Variants in PFKL observed in about 807,000 individuals in gnomAD.
PFKL encodes phosphofructokinase, liver type.
A neutral mutation model predicts 92.1 loss-of-function variants in PFKL; 74 were observed. The ratio of observed to expected loss-of-function variants is 0.80; its 90% CI spans 0.67 to 0.97. PFKL has a LOEUF of 0.97. Among genes scored for constraint, PFKL ranks in the 50% least tolerant of loss-of-function variants. The pLI, the probability that PFKL is intolerant of heterozygous loss-of-function variation, is 0.00. For missense variants in PFKL, 1,028 were observed against 1,116.6 expected (o/e 0.92, Z 1.13); for synonymous variants, 494 against 456.4 (o/e 1.08, Z -1.05).
chr21:44,324,720 C>A, intron 17 of PFKL, 65 bp downstream of exon 17: 1 of 1,559,608 alleles, frequency 6.4e-7, no homozygotes, highest in Admixed American at 1.8e-5. Flanking sequence ...CCCAGACACT[C>A]AGGCCGGCCA....
chr21:44,316,366 TGGGCACC>T, intron 8 of PFKL, 27 bp downstream of exon 8: 1 of 1,611,808 alleles, frequency 6.2e-7, no homozygotes, highest in Non-Finnish European at 8.5e-7. Flanking sequence ...GGGTGGCCAC[TGGGCACC>T]TGCTCCTCTA....
At chr21:44,307,641 G>A (rs1048710750) in intron 2 of PFKL, among the ~76,000 whole-genome samples, 2 of 152,192 alleles carry the variant, frequency 1.3e-5, no homozygotes, top group African/African-American at 4.8e-5. Flanking sequence ...ACAGCAGCCT[G>A]TCCAGCCCTC....
chr21:44,300,630 G>GGGGGCGGACTCACTCCC (rs2040745440), intron 1 of PFKL, among the ~76,000 whole-genome samples: 1 of 152,234 alleles, frequency 6.6e-6, no homozygotes, highest in Admixed American at 6.5e-5. Context: ...CCGGCTGGGC[G>GGGGGCGGACTCACTCCC]GGGGCGGACT....
chr21:44,304,495 G>A lies in PFKL; in HGVS notation c.86-2186G>A. ...GTGGTGGGACCAGGTCTGCAGGGAG[G>A]GCGAGGGAGGGACGGAGGCTTAGCT... On this transcript the variant is annotated intron_variant, in intron 1 of 21. Transcript: ENST00000349048. 2.6e-6 allele frequency: 3 copies of A among 1,157,122 alleles called. No individual in the cohort carries two copies. The South Asian group carries it at 5.0e-5, about 19-fold the overall frequency. The allele number at this position is 1,157,122 out of a possible 1,614,324, so 71.7% of individuals were successfully genotyped here.
rs375427651 is a variant in PFKL, at chr21:44,305,823, C to T, written c.86-858C>T. The stretch of plus-strand genomic sequence containing the variant: ...AGGAAACTGGCTTTGCCAAGGCCCC[C>T]GCTGGGACAGACTGTTTCTTTCACT... On this transcript the variant is annotated intron_variant, in intron 1 of 21. Transcript: ENST00000349048. 1,830 of 1,366,890 alleles carry T rather than the reference C, an allele frequency of 1.3e-3. 39 individuals are homozygous for T. In the South Asian group the frequency reaches 0.019, roughly 14 times the overall value. The allele number at this position is 1,366,890 out of a possible 1,614,324, so 84.7% of individuals were successfully genotyped here. A position where few individuals can be genotyped will look rare whatever the true frequency, so the allele number is the denominator to read the frequency against.
intron 16 of PFKL, 122 bp from the exon 17 acceptor site, chr21:44,324,369 T>A (rs572333750): frequency 7.2e-5 from 70 of 969,188 alleles, no homozygotes; most frequent in Non-Finnish European, 1.0e-4. Flanking sequence ...CTGCTGGCTG[T>A]CTGGGTGCGT....
At chr21:44,306,274 A>T (rs1005284610) in intron 1 of PFKL, among the ~76,000 whole-genome samples, 1 of 152,142 alleles carries the variant, frequency 6.6e-6, no homozygotes, top group Non-Finnish European at 1.5e-5. Context: ...CGGGACACCC[A>T]CACATGCCTG....
At chr21:44,306,620 G>GGGC (rs1469050643) in intron 1 of PFKL, 61 bp from the exon 2 acceptor site, 48 of 1,459,730 alleles carry the variant, frequency 3.3e-5, no homozygotes, top group Non-Finnish European at 4.4e-5. Context: ...CTGAGATGGG[G>GGGC]AGGGTGTCCA....
intron 9 of PFKL, among the ~76,000 whole-genome samples, chr21:44,317,765 TG>T (rs967051783): frequency 8.5e-5 from 13 of 152,196 alleles, no homozygotes; most frequent in East Asian, 1.9e-4. Flanking sequence ...TCATCCTGCA[TG>T]GGGGGTGTCT....
At chr21:44,325,040 C>T (rs994148512) in intron 18 of PFKL, 113 bp from the exon 19 acceptor site, 68 of 1,208,404 alleles carry the variant, frequency 5.6e-5, no homozygotes, top group Non-Finnish European at 7.0e-5. Flanking sequence ...TGGGCCAGGG[C>T]GGCTTTCCTG....
intron 14 of PFKL, among the ~76,000 whole-genome samples, 158 bp downstream of exon 14, chr21:44,322,361 T>TG (rs1015802794): frequency 3.3e-5 from 5 of 152,162 alleles, no homozygotes; most frequent in Non-Finnish European, 7.4e-5. Context: ...GCCTCCTGCC[T>TG]GGGGCTTCCT....
At chr21:44,305,023 C>T (rs563484556) in intron 1 of PFKL, among the ~76,000 whole-genome samples, 4 of 152,154 alleles carry the variant, frequency 2.6e-5, no homozygotes, top group African/African-American at 4.8e-5. Flanking sequence ...GGATGGCTGC[C>T]GGGCTTGGCT....
At chr21:44,303,984 A>G (rs901721726) in intron 1 of PFKL, among the ~76,000 whole-genome samples, 1 of 150,392 alleles carries the variant, frequency 6.6e-6, no homozygotes, top group African/African-American at 2.5e-5. Context: ...ACAGCTTCCA[A>G]TGAGGTTAAC....
In PFKL at chr21:44,326,871, A is replaced by G. The variant is rs747300332; in HGVS notation, c.*9A>G. The G allele has an allele frequency of 1.1e-5, 17 of 1,600,570 alleles. No individual in the cohort carries two copies. The highest frequency in any genetic ancestry group is 4.0e-5 in the African/African-American group (3 of 74,660). ...TGGACAAGGGCTTCTGAGGCCAGCC[A>G]TGCCCACGCCCCTCCCCAGCCCCCA... is the stretch of plus-strand genomic sequence containing the variant. On this transcript the variant is annotated 3_prime_UTR_variant, in exon 22 of 22. Transcript: ENST00000349048.
intron 14 of PFKL, 54 bp from the exon 15 acceptor site, chr21:44,322,908 T>G: frequency 7.5e-7 from 1 of 1,334,762 alleles, no homozygotes; most frequent in Non-Finnish European, 1.1e-6. Context: ...AGATGCAATC[T>G]GGACACGCGT....
rs1241326926 is a variant in PFKL, at chr21:44,327,031, G to A, written c.*169G>A. 56 of 632,624 alleles carry A rather than the reference G, an allele frequency of 8.9e-5. No individual in the cohort carries two copies. Among genetic ancestry groups the A allele is most frequent in the Non-Finnish European group, 1.2e-4 (44 of 363,036 alleles). 39.2% of individuals were successfully genotyped at this position (632,624 alleles called of 1,614,324 possible). Reference sequence around the variant, plus strand: ...CTGGCCACCTGCCAGGCCTCCCTCGGGCTGGTGTCTTGAGACCAGCCTGCC... The same window carrying A: ...CTGGCCACCTGCCAGGCCTCCCTCGAGCTGGTGTCTTGAGACCAGCCTGCC... On this transcript the variant is annotated 3_prime_UTR_variant, in exon 22 of 22. Coordinates refer to ENST00000349048, the MANE Select transcript of PFKL (RefSeq NM_002626.6).
In PFKL at chr21:44,327,143, G is replaced by A; in HGVS notation, c.*281G>A. ...GCGCTGTCGGTGTTTGGAGGCTGCT[G>A]CCCCCTGGCTTTGGCGCCCCATGGG... On this transcript the variant is annotated 3_prime_UTR_variant, in exon 22 of 22. Transcript: ENST00000349048. 1 of 490,824 alleles carries A rather than the reference G, an allele frequency of 2.0e-6. No individual in the cohort carries two copies. 30.4% of individuals were successfully genotyped at this position (490,824 alleles called of 1,614,324 possible). A position where few individuals can be genotyped will look rare whatever the true frequency, so the allele number is the denominator to read the frequency against.
rs1157797038 is a variant in PFKL, at chr21:44,323,754, C to T, written c.1498-12C>T. 1 of 1,608,900 alleles carries T rather than the reference C, an allele frequency of 6.2e-7. No individual in the cohort carries two copies. Among genetic ancestry groups the T allele is most frequent in the African/African-American group, 1.3e-5 (1 of 74,824 alleles). ...GTGCTGCCCTTGACCTGCCCCGTCC[C>T]TACTGCTGCAGGCCTATGAAGGGGT... On this transcript the variant is annotated splice_polypyrimidine_tract_variant and intron_variant, in intron 15 of 21. Transcript: ENST00000349048.
At chr21:44,325,451 G>GTGGGGC (rs2047479720) in intron 19 of PFKL, 187 bp downstream of exon 19, 5 of 595,374 alleles carry the variant, frequency 8.4e-6, no homozygotes, top group African/African-American at 3.7e-5. Context: ...TCAAGAAGGG[G>GTGGGGC]TGGGGCTGGG....
Sources: allele counts gnomAD v4.1 joint callset (sites outside exome capture counted in the v4.1 genomes callset), GRCh38; gene constraint gnomAD v4.1.1; transcripts MANE v1.5; gene names NCBI Gene and HGNC (gene_info 2026-07-23, HGNC 2026-07-21).